MAGI2: variants seen among roughly 807,000 people sequenced by gnomAD.
MAGI2 encodes the protein membrane associated guanylate kinase, WW and PDZ domain containing 2, also known as membrane-associated guanylate kinase, WW and PDZ domain-containing protein 2.
A neutral mutation model predicts 133.3 loss-of-function variants in MAGI2; 35 were observed. The observed-to-expected ratio is 0.26, with a 90% CI of 0.20 to 0.35. The LOEUF (loss-of-function observed/expected upper bound fraction) is 0.35, where lower values mean the gene tolerates loss of function less well. Among genes scored for constraint, MAGI2 ranks in the 10% least tolerant of loss-of-function variants. The probability of loss-of-function intolerance (pLI) is 1.00; values close to 1 mark genes in which losing one functional copy is unlikely to be tolerated. For synonymous variants in MAGI2, 729 were observed against 710.6 expected, an observed-to-expected ratio of 1.03 and a Z score of -0.41; for missense variants, 1,636 against 1,863.4, an observed-to-expected ratio of 0.88 and a Z score of 2.25.
rs751815413 is a variant in MAGI2, at chr7:78,135,132, G to A, written c.2920C>T (p.Arg974Trp). ...DRCAKLKVGD[R>W]ILAVNGQSII... ...GACTGGCCATTCACTGCTAGGATCCGGTCTCCCACTTTTAGTTTTGCACAG... is the reference window on the plus strand; with the variant it reads ...GACTGGCCATTCACTGCTAGGATCCAGTCTCCCACTTTTAGTTTTGCACAG... The change falls in exon 17 of 22, where the codon CGG (arginine) becomes TGG (tryptophan). Residue 974 changes from arginine to tryptophan, a missense_variant. Arg to Trp is a moderately radical substitution (Grantham distance 101). Transcript: ENST00000354212. The A allele has an allele frequency of 8.1e-6, 13 of 1,613,910 alleles. No individual in the cohort carries two copies. Among genetic ancestry groups the A allele is most frequent in the Admixed American group, 1.7e-5 (1 of 59,994 alleles).
At chr7:79,271,195 G>A (rs772099742) in intron 1 of MAGI2, among the ~76,000 whole-genome samples, 1 of 152,024 alleles carries the variant, frequency 6.6e-6, no homozygotes, top group African/African-American at 2.4e-5. Context: ...TCTGAACTCC[G>A]GGACAGCACA....
Position 78,019,233 on chromosome 7 carries a change from A to C in MAGI2, c.*82T>G. On this transcript the variant is annotated 3_prime_UTR_variant, in exon 22 of 22. Coordinates refer to ENST00000354212, the MANE Select transcript of MAGI2 (RefSeq NM_012301.4). ...TCGTGGATCTATGCGTGTGACAGTGAAAATAAATTAAAACGCCGTGAGACG... is the reference window on the plus strand; with the variant it reads ...TCGTGGATCTATGCGTGTGACAGTGCAAATAAATTAAAACGCCGTGAGACG... 6.7e-7 allele frequency: 1 copy of C among 1,493,160 alleles called. No homozygotes were observed. Among genetic ancestry groups the C allele is most frequent in the Non-Finnish European group, 9.0e-7 (1 of 1,108,306 alleles). 92.5% of individuals were successfully genotyped at this position (1,493,160 alleles called of 1,614,324 possible).
chr7:79,139,332 A>T (rs1455598068), intron 1 of MAGI2, among the ~76,000 whole-genome samples: 1 of 152,204 alleles, frequency 6.6e-6, no homozygotes, highest in African/African-American at 2.4e-5. Context: ...AGTACCACCT[A>T]CCATGCTAAG....
intron 2 of MAGI2, among the ~76,000 whole-genome samples, chr7:78,991,680 A>G (rs1805803073): frequency 6.6e-6 from 1 of 151,802 alleles, no homozygotes; most frequent in South Asian, 2.1e-4. Context: ...AACACAGGTA[A>G]GGATGTACCA....
intron 20 of MAGI2, among the ~76,000 whole-genome samples, chr7:78,123,542 C>T (rs778254752): frequency 1.3e-5 from 2 of 152,094 alleles, no homozygotes; most frequent in Admixed American, 6.5e-5. Flanking sequence ...ACGGGCAGTG[C>T]GATACCATGA....
At chr7:78,673,858 T>G (rs979505160) in intron 2 of MAGI2, among the ~76,000 whole-genome samples, 2 of 152,180 alleles carry the variant, frequency 1.3e-5, no homozygotes, top group African/African-American at 4.8e-5. Flanking sequence ...TTAACCATTA[T>G]AGTCATTTTT....
intron 12 of MAGI2, among the ~76,000 whole-genome samples, chr7:78,186,248 AAT>A (rs1026050720): frequency 2.0e-5 from 3 of 152,180 alleles, no homozygotes; most frequent in African/African-American, 7.2e-5. Context: ...TGCTACTTCT[AAT>A]AACATAAAAA....
At chr7:78,102,589 C>A (rs1314468737) in intron 20 of MAGI2, among the ~76,000 whole-genome samples, 2 of 152,200 alleles carry the variant, frequency 1.3e-5, no homozygotes, top group Non-Finnish European at 1.5e-5. Context: ...CAAGTGACAT[C>A]CCACAGCACT....
chr7:78,715,847 A>ATCTTGTATTTTGTATTTTGT (rs59543870), intron 2 of MAGI2, among the ~76,000 whole-genome samples: 1 of 151,296 alleles, frequency 6.6e-6, no homozygotes, highest in Non-Finnish European at 1.5e-5. Flanking sequence ...ATAAATACAA[A>ATCTTGTATTTTGTATTTTGT]ATATAAGTCC....
At chr7:78,672,385 T>C (rs1814499238) in intron 2 of MAGI2, among the ~76,000 whole-genome samples, 1 of 152,142 alleles carries the variant, frequency 6.6e-6, no homozygotes, top group African/African-American at 2.4e-5. Flanking sequence ...GGCATCATGC[T>C]CCCTATACAG....
chr7:79,118,236 G>A (rs1421155999), intron 1 of MAGI2, among the ~76,000 whole-genome samples: 2 of 152,110 alleles, frequency 1.3e-5, no homozygotes, highest in African/African-American at 2.4e-5. Context: ...GAACTCCTTT[G>A]CACTTGCAAA....
chr7:78,701,972 C>A (rs1185481988), intron 2 of MAGI2, among the ~76,000 whole-genome samples: 1 of 151,956 alleles, frequency 6.6e-6, no homozygotes, highest in Non-Finnish European at 1.5e-5. Flanking sequence ...TGCCAGGATT[C>A]TCCTGCTGAT....
At chr7:78,265,093 A>G (rs887966115) in intron 9 of MAGI2, among the ~76,000 whole-genome samples, 1 of 150,646 alleles carries the variant, frequency 6.6e-6, no homozygotes, top group Non-Finnish European at 1.5e-5. Flanking sequence ...TTTTTTTTTT[A>G]AATTATGATT....
intron 1 of MAGI2, among the ~76,000 whole-genome samples, chr7:79,385,504 G>C (rs1328627589): frequency 6.6e-6 from 1 of 151,832 alleles, no homozygotes; most frequent in Non-Finnish European, 1.5e-5. Context: ...TTAGTTCTAA[G>C]AATTGTAATA....
At chr7:79,195,012 G>T (rs985908946) in intron 1 of MAGI2, among the ~76,000 whole-genome samples, 1 of 152,024 alleles carries the variant, frequency 6.6e-6, no homozygotes, top group East Asian at 1.9e-4. Flanking sequence ...AAGTAATATT[G>T]AGTCAAATAT....
At chr7:78,996,726 C>A (rs1038365918) in intron 2 of MAGI2, among the ~76,000 whole-genome samples, 1 of 152,162 alleles carries the variant, frequency 6.6e-6, no homozygotes, top group Non-Finnish European at 1.5e-5. Context: ...CTAGGATCGA[C>A]TTTAAAAACT....
chr7:79,130,916 C>A (rs1247692970), intron 1 of MAGI2, among the ~76,000 whole-genome samples: 1 of 152,024 alleles, frequency 6.6e-6, no homozygotes, highest in African/African-American at 2.4e-5. Flanking sequence ...TTCATTCATT[C>A]ATTCATTCAT....
intron 3 of MAGI2, among the ~76,000 whole-genome samples, chr7:78,584,817 T>A (rs1205524056): frequency 6.6e-6 from 1 of 152,240 alleles, no homozygotes; most frequent in Non-Finnish European, 1.5e-5. Flanking sequence ...CTAGCTGTTT[T>A]ATTGTTTAAT....
At chr7:78,067,979 C>T (rs1406054947) in intron 21 of MAGI2, among the ~76,000 whole-genome samples, 3 of 152,174 alleles carry the variant, frequency 2.0e-5, no homozygotes, top group Non-Finnish European at 4.4e-5. Context: ...TGACACTATT[C>T]TGTATGATAC....
Sources: allele counts gnomAD v4.1 joint callset (sites outside exome capture counted in the v4.1 genomes callset), GRCh38; gene constraint gnomAD v4.1.1; transcripts MANE v1.5; gene names NCBI Gene and HGNC (gene_info 2026-07-23, HGNC 2026-07-21).